Variants in ZNF107 observed in about 807,000 individuals in gnomAD.
ZNF107 encodes the protein C2H2 type zinc-finger protein.
A neutral mutation model predicts 12.3 loss-of-function variants in ZNF107; 19 were observed. That is an observed-to-expected ratio of 1.55 (90% CI 1.08 to 2.27). The LOEUF (loss-of-function observed/expected upper bound fraction) is 2.27, where lower values mean the gene tolerates loss of function less well. ZNF107 is among the 30% of genes most tolerant of loss of function. The pLI, the probability that ZNF107 is intolerant of heterozygous loss-of-function variation, is 0.00. For synonymous variants in ZNF107, 317 were observed against 330.5 expected (o/e 0.96, Z 0.44); for missense variants, 958 against 979.9 (o/e 0.98, Z 0.30).
intron 1 of ZNF107, among the ~76,000 whole-genome samples, chr7:64,675,081 C>T (rs1403934027): frequency 2.0e-5 from 3 of 152,028 alleles, no homozygotes; most frequent in Admixed American, 6.6e-5. Flanking sequence ...TTTGTTATAT[C>T]TCTGTCAGGT....
chr7:64,679,558 C>T (rs1325311843), intron 1 of ZNF107, among the ~76,000 whole-genome samples: 3 of 152,094 alleles, frequency 2.0e-5, no homozygotes, highest in African/African-American at 7.2e-5. Flanking sequence ...CTCTCCTCCT[C>T]GTTTCTCTCT....
At chr7:64,688,580 C>T (rs1286415064) in intron 1 of ZNF107, among the ~76,000 whole-genome samples, 3 of 152,042 alleles carry the variant, frequency 2.0e-5, no homozygotes, top group African/African-American at 7.2e-5. Context: ...TCTTAAAATA[C>T]CCACAAATGT....
At chr7:64,666,628 AG>A (rs1789016620) in intron 1 of ZNF107, among the ~76,000 whole-genome samples, 1 of 152,180 alleles carries the variant, frequency 6.6e-6, no homozygotes, top group South Asian at 2.1e-4. Flanking sequence ...GAGGGTCATC[AG>A]GGGAGAATCC....
At position 64,707,529 on chromosome 7, in the gene ZNF107, G is replaced by A. The variant is rs758250561; in HGVS notation, c.1432G>A (p.Glu478Lys). The stretch of plus-strand genomic sequence containing the variant: ...TAACCATAGGAAAATTTATTCTGGA[G>A]AGAAACCATACAAATGTGAAGAATG... ...LINHRKIYSG[E>K]KPYKCEECGK... The change falls in exon 4 of 4, where the codon GAG (glutamate) becomes AAG (lysine). Residue 478 changes from glutamate to lysine, a missense_variant. Transcript: ENST00000620827. The A allele has an allele frequency of 5.0e-6, 8 of 1,613,214 alleles. No homozygotes were observed. The African/African-American group carries it at 9.4e-5, about 19-fold the overall frequency.
At chr7:64,671,730 G>A (rs923712358) in intron 1 of ZNF107, among the ~76,000 whole-genome samples, 1 of 151,400 alleles carries the variant, frequency 6.6e-6, no homozygotes, top group Non-Finnish European at 1.5e-5. Flanking sequence ...TTTTATCGCT[G>A]AGATACTAAG....
At chr7:64,686,780 C>A in intron 1 of ZNF107, 4 of 852,420 alleles carry the variant, frequency 4.7e-6, no homozygotes, top group Non-Finnish European at 5.6e-6. Flanking sequence ...ATTTTCCACC[C>A]GCCACTTTGC....
chr7:64,698,807 T>C (rs1790378403), intron 3 of ZNF107, among the ~76,000 whole-genome samples: 2 of 152,110 alleles, frequency 1.3e-5, no homozygotes, highest in African/African-American at 4.8e-5. Flanking sequence ...TCTAAGAGAT[T>C]TGTTATTTTT....
At position 64,709,088 on chromosome 7, in the gene ZNF107, C is replaced by A. The variant is rs1790800794; in HGVS notation, c.*432C>A. On this transcript the variant is annotated 3_prime_UTR_variant, in exon 4 of 4. Transcript: ENST00000620827. ...GCAAAGCTTTTAACCAATCCTCATA[C>A]CTTACTATACAGAAATTCATACTGG... The A allele has an allele frequency of 2.2e-6, 1 of 458,902 alleles. No individual in the cohort carries two copies. Among genetic ancestry groups the A allele is most frequent in the Admixed American group, 2.6e-5 (1 of 38,216 alleles). 28.4% of individuals were successfully genotyped at this position (458,902 alleles called of 1,614,324 possible).
At chr7:64,703,178 A>G (rs1790531954) in intron 3 of ZNF107, among the ~76,000 whole-genome samples, 1 of 152,174 alleles carries the variant, frequency 6.6e-6, no homozygotes, top group Non-Finnish European at 1.5e-5. Flanking sequence ...TTGATAGTTT[A>G]TATTTTAATT....
At position 64,666,194 on chromosome 7, in the gene ZNF107, C is replaced by T. The variant is rs1788993124; in HGVS notation, c.-89C>T. Reference sequence around the variant, plus strand: ...CCTCCTCACTGCTCAGTGTCCTCTGCTCCTAGAGGCCCAGCCTCTGTGTCC... The same window carrying T: ...CCTCCTCACTGCTCAGTGTCCTCTGTTCCTAGAGGCCCAGCCTCTGTGTCC... On this transcript the variant is annotated 5_prime_UTR_variant, in exon 1 of 4. Coordinates refer to ENST00000620827, the MANE Select transcript of ZNF107 (RefSeq NM_001282359.2). 3 of 1,545,304 alleles carry T rather than the reference C, an allele frequency of 1.9e-6. No homozygotes were observed. Among genetic ancestry groups the T allele is most frequent in the Admixed American group, 1.7e-5 (1 of 58,946 alleles).
At chr7:64,678,243 A>G (rs747522592) in intron 1 of ZNF107, among the ~76,000 whole-genome samples, 3 of 152,228 alleles carry the variant, frequency 2.0e-5, no homozygotes, top group Non-Finnish European at 4.4e-5. Flanking sequence ...AAAGTTGAGC[A>G]CAAAGATAGT....
intron 1 of ZNF107, chr7:64,687,240 T>C: frequency 1.0e-6 from 1 of 986,416 alleles, no homozygotes; most frequent in Non-Finnish European, 1.2e-6. Flanking sequence ...GTGAGAACTC[T>C]TGGAGCTATC....
intron 1 of ZNF107, among the ~76,000 whole-genome samples, chr7:64,682,135 C>G (rs1789704815): frequency 1.3e-5 from 2 of 151,908 alleles, no homozygotes; most frequent in East Asian, 1.9e-4. Context: ...GCAGTCTCTC[C>G]TAGGAATCCT....
intron 3 of ZNF107, among the ~76,000 whole-genome samples, chr7:64,703,852 C>T (rs1206522202): frequency 6.6e-6 from 1 of 151,590 alleles, no homozygotes; most frequent in Non-Finnish European, 1.5e-5. Context: ...TATCTTTGTC[C>T]CTTATTTTCT....
intron 1 of ZNF107, among the ~76,000 whole-genome samples, chr7:64,686,323 TCTC>T (rs1447956964): frequency 1.3e-5 from 2 of 152,130 alleles, no homozygotes; most frequent in East Asian, 3.9e-4. Context: ...TCATTCTCCT[TCTC>T]CTATTTGGAC....
intron 1 of ZNF107, 64 bp from the exon 2 acceptor site, chr7:64,691,184 T>C: frequency 2.3e-6 from 3 of 1,320,154 alleles, no homozygotes; most frequent in Non-Finnish European, 2.9e-6. Context: ...CCTATACATT[T>C]TTTTAAAAAT....
chr7:64,691,496 G>GA, intron 2 of ZNF107, 122 bp downstream of exon 2: 1 of 912,008 alleles, frequency 1.1e-6, no homozygotes, highest in South Asian at 3.3e-5. Context: ...CTGTTTTCAA[G>GA]AAAATCCTTG....
intron 3 of ZNF107, 116 bp downstream of exon 3, chr7:64,692,076 C>T: frequency 1.5e-6 from 1 of 668,712 alleles, no homozygotes; most frequent in Non-Finnish European, 2.1e-6. Flanking sequence ...GAAATAGTTT[C>T]TGGAAAGCCT....
chr7:64,709,040 A>T lies in ZNF107; in HGVS notation c.*384A>T. On this transcript the variant is annotated 3_prime_UTR_variant, in exon 4 of 4. Transcript: ENST00000620827. ...ATAAGATAATTTATACTGGAGAGGA[A>T]CTCTATAGTTGTGAAGAATGTGGCA... is the stretch of plus-strand genomic sequence containing the variant. 1 of 451,864 alleles carries T rather than the reference A, an allele frequency of 2.2e-6. No individual in the cohort carries two copies. Among genetic ancestry groups the T allele is most frequent in the South Asian group, 1.8e-5 (1 of 55,634 alleles). The allele number at this position is 451,864 out of a possible 1,614,324, so 28.0% of individuals were successfully genotyped here. A position where few individuals can be genotyped will look rare whatever the true frequency, so the allele number is the denominator to read the frequency against.
Sources: gnomAD v4.1 joint callset for allele counts (sites outside exome capture counted in the v4.1 genomes callset) on GRCh38, gnomAD v4.1.1 for gene constraint, MANE v1.5 for transcripts, NCBI Gene and HGNC (gene_info 2026-07-23, HGNC 2026-07-21) for gene names.